The following PEPD variants were observed in gnomAD, a reference collection of about 807,000 sequenced individuals.
PEPD encodes xaa-Pro dipeptidase.
PEPD carries 53 observed loss-of-function variants against 60.7 expected under a neutral mutation model. The observed-to-expected ratio is 0.87, with a 90% CI of 0.70 to 1.10. The LOEUF is 1.10. Among genes scored for constraint, PEPD ranks in the 50% least tolerant of loss-of-function variants. PEPD has a pLI of 0.00. For missense variants in PEPD, 711 were observed against 711.9 expected (o/e 1.00, Z 0.01); for synonymous variants, 267 against 284.1 (o/e 0.94, Z 0.60).
Position 33,443,488 on chromosome 19 carries a change from T to C in PEPD, c.671+19507A>G, listed in dbSNP as rs370790873. On this transcript the variant is annotated intron_variant, in intron 9 of 14. Coordinates refer to ENST00000244137, the MANE Select transcript of PEPD (RefSeq NM_000285.4). ...CATAAGATTATATGCTTATTTATGATTCTATTTCCTACATAATTGCTGTTT... is the reference window on the plus strand; with the variant it reads ...CATAAGATTATATGCTTATTTATGACTCTATTTCCTACATAATTGCTGTTT... 1.5e-4 allele frequency among the ~76,000 whole-genome samples: 23 copies of C among 152,354 alleles called. No individual in the cohort carries two copies. In the South Asian group the frequency reaches 4.8e-3, roughly 32 times the overall value.
intron 5 of PEPD, among the ~76,000 whole-genome samples, chr19:33,492,732 A>G (rs1380386852): frequency 6.7e-6 from 1 of 150,124 alleles, no homozygotes; most frequent in Non-Finnish European, 1.5e-5. Flanking sequence ...AGCCAGGTTT[A>G]ACCTTAGGAG....
intron 3 of PEPD, among the ~76,000 whole-genome samples, chr19:33,505,699 A>C (rs1462975514): frequency 3.4e-5 from 5 of 148,862 alleles, no homozygotes; most frequent in Admixed American, 3.3e-4. Flanking sequence ...ACCCTACACA[A>C]CACACACACC....
intron 9 of PEPD, among the ~76,000 whole-genome samples, chr19:33,446,830 T>C (rs1374695853): frequency 6.6e-6 from 1 of 152,350 alleles, no homozygotes; most frequent in South Asian, 2.1e-4. Context: ...TGCCTCCCAC[T>C]GTCCAGTCTA....
At chr19:33,463,591 A>C (rs561451456) in intron 8 of PEPD, among the ~76,000 whole-genome samples, 2 of 152,316 alleles carry the variant, frequency 1.3e-5, no homozygotes, top group South Asian at 2.1e-4. Context: ...TGGAAGAGAA[A>C]TTTTCAGAAA....
intron 9 of PEPD, among the ~76,000 whole-genome samples, chr19:33,437,407 C>T (rs1212456162): frequency 1.3e-5 from 2 of 151,590 alleles, no homozygotes; most frequent in East Asian, 1.9e-4. Context: ...TCAACAGCCA[C>T]ACGAGATGCA....
At position 33,446,320 on chromosome 19, in the gene PEPD, G is replaced by C. The variant is rs768666610; in HGVS notation, c.671+16675C>G. The stretch of plus-strand genomic sequence containing the variant: ...GAGCTGCCAAGATAAATGATTCAAA[G>C]ACTCCAGCTCATGCTGAAAATATAT... On this transcript the variant is annotated intron_variant, in intron 9 of 14. Transcript: ENST00000244137. Among the ~76,000 whole-genome samples the C allele has an allele frequency of 3.7e-4, 57 of 152,308 alleles. 1 individual carries two copies. The highest frequency in any genetic ancestry group is 5.9e-4 in the Non-Finnish European group (40 of 68,042).
chr19:33,397,897 C>T lies in PEPD; in HGVS notation c.967+3824G>A, dbSNP rs531378956. ...CCACATGGGGCCTGGGGACTTGCCC[C>T]GAGGTCTGGCCACTTTCTGGACAGA... On this transcript the variant is annotated intron_variant, in intron 12 of 14. Transcript: ENST00000244137. Among the ~76,000 whole-genome samples the T allele has an allele frequency of 6.6e-5, 10 of 152,290 alleles. 1 individual carries two copies. In the South Asian group the frequency reaches 2.1e-3, roughly 32 times the overall value.
intron 1 of PEPD, among the ~76,000 whole-genome samples, chr19:33,516,720 G>A (rs562801173): frequency 1.7e-3 from 258 of 152,114 alleles, no homozygotes; most frequent in African/African-American, 6.0e-3. Flanking sequence ...ATGGGAAAAA[G>A]CTGTACCTTT....
intron 7 of PEPD, among the ~76,000 whole-genome samples, chr19:33,470,798 C>A (rs949143559): frequency 2.0e-5 from 3 of 152,156 alleles, no homozygotes; most frequent in African/African-American, 7.2e-5. Context: ...CACCCCATGG[C>A]AGCATGGGAT....
At chr19:33,432,670 A>C (rs373600900) in intron 9 of PEPD, among the ~76,000 whole-genome samples, 1 of 152,390 alleles carries the variant, frequency 6.6e-6, no homozygotes, top group East Asian at 1.9e-4. Context: ...CAGATCCAGC[A>C]GGTATGGGCA....
At chr19:33,438,450 C>T (rs1969421384) in intron 9 of PEPD, among the ~76,000 whole-genome samples, 2 of 152,248 alleles carry the variant, frequency 1.3e-5, no homozygotes, top group African/African-American at 2.4e-5. Context: ...GTCTCTCTCC[C>T]CTGCCCTTTG....
At chr19:33,463,800 C>A (rs1969971802) in intron 8 of PEPD, among the ~76,000 whole-genome samples, 187 bp downstream of exon 8, 1 of 152,190 alleles carries the variant, frequency 6.6e-6, no homozygotes, top group Non-Finnish European at 1.5e-5. Context: ...TGGGGCAGAG[C>A]CCCTTCTGTC....
chr19:33,420,197 T>C (rs1292226008), intron 9 of PEPD, among the ~76,000 whole-genome samples: 1 of 6,598 alleles, frequency 1.5e-4, no homozygotes, highest in African/African-American at 7.3e-4. Context: ...TCTATCTCCT[T>C]CTCCGTCCCC....
intron 6 of PEPD, among the ~76,000 whole-genome samples, chr19:33,489,158 GTCC>G (rs1970450869): frequency 6.6e-6 from 1 of 152,186 alleles, no homozygotes; most frequent in African/African-American, 2.4e-5. Flanking sequence ...CCCAAGGTCT[GTCC>G]TCCTGCCTGG....
chr19:33,432,010 A>AAAAAAAAAAG (rs1031542443), intron 9 of PEPD, among the ~76,000 whole-genome samples: 2 of 147,514 alleles, frequency 1.4e-5, no homozygotes, highest in African/African-American at 5.1e-5. Flanking sequence ...AAAAAAAAAA[A>AAAAAAAAAAG]GGGAAGATTA....
chr19:33,444,434 C>T (rs947086612), intron 9 of PEPD, among the ~76,000 whole-genome samples: 7 of 152,054 alleles, frequency 4.6e-5, no homozygotes, highest in Non-Finnish European at 8.8e-5. Flanking sequence ...GGCTGTGTCC[C>T]GGTAAGGGGC....
chr19:33,450,908 T>A (rs918248157), intron 9 of PEPD, among the ~76,000 whole-genome samples: 1 of 152,192 alleles, frequency 6.6e-6, no homozygotes, highest in African/African-American at 2.4e-5. Context: ...CAGTTTACCA[T>A]TGTCATGGCA....
chr19:33,508,446 C>T (rs1018605381), intron 3 of PEPD, among the ~76,000 whole-genome samples: 8 of 152,364 alleles, frequency 5.3e-5, no homozygotes, highest in African/African-American at 1.7e-4. Flanking sequence ...ATAAACGACT[C>T]CAACACTTAG....
chr19:33,401,956 G>A, intron 11 of PEPD, 87 bp from the exon 12 acceptor site: 2 of 1,359,502 alleles, frequency 1.5e-6, no homozygotes, highest in Non-Finnish European at 2.1e-6. Flanking sequence ...CTGGACTCGA[G>A]GGCAGCTGGC....
Sources: gnomAD v4.1 joint callset for allele counts (sites outside exome capture counted in the v4.1 genomes callset) on GRCh38, gnomAD v4.1.1 for gene constraint, MANE v1.5 for transcripts, NCBI Gene and HGNC (gene_info 2026-07-23, HGNC 2026-07-21) for gene names.